Variants in TPD52 observed in about 807,000 individuals in gnomAD.
The protein encoded by TPD52 is prostate and colon associated protein.
In TPD52, 17 loss-of-function variants were observed where a neutral mutation model predicts 31.3. That is an observed-to-expected ratio of 0.54 (90% CI 0.37 to 0.82). The LOEUF (loss-of-function observed/expected upper bound fraction) is 0.82, where lower values mean the gene tolerates loss of function less well. Ranked by LOEUF, TPD52 falls within the 40% of genes least tolerant of loss-of-function variation. The pLI is 0.00. For synonymous variants in TPD52, 83 were observed against 89.6 expected (o/e 0.93, Z 0.42); for missense variants, 212 against 240.1 (o/e 0.88, Z 0.77).
intron 2 of TPD52, 26 bp from the exon 3 acceptor site, chr8:80,053,456 A>AATAT (rs762044862): frequency 6.2e-7 from 1 of 1,605,606 alleles, no homozygotes; most frequent in East Asian, 2.2e-5. Flanking sequence ...TTGGGGTAAG[A>AATAT]ATATAGCAAA....
At chr8:80,135,573 G>A (rs1257256442) in intron 1 of TPD52, among the ~76,000 whole-genome samples, 2 of 151,748 alleles carry the variant, frequency 1.3e-5, no homozygotes, top group Non-Finnish European at 2.9e-5. Flanking sequence ...AATCAGTGTG[G>A]CGATTCCTCA....
intron 1 of TPD52, among the ~76,000 whole-genome samples, chr8:80,168,916 TA>T (rs1413458259): frequency 6.6e-6 from 1 of 152,182 alleles, no homozygotes; most frequent in African/African-American, 2.4e-5. Flanking sequence ...TGTGCACTGG[TA>T]ACATAAAGAT....
At chr8:80,032,011 G>A (rs148203941), downstream of TPD52, among the ~76,000 whole-genome samples, 1 of 151,932 alleles carries the variant, frequency 6.6e-6, no homozygotes, top group Non-Finnish European at 1.5e-5. Flanking sequence ...AAATTAGCTG[G>A]GCGTGATGAC....
At chr8:80,071,020 A>AGAGAACACG (rs1045336385) in intron 1 of TPD52, among the ~76,000 whole-genome samples, 2 of 152,218 alleles carry the variant, frequency 1.3e-5, no homozygotes, top group Non-Finnish European at 2.9e-5. Context: ...AGCGCAAAGC[A>AGAGAACACG]CAGAGAACAC....
chr8:80,065,303 CTA>C (rs5892703), intron 1 of TPD52, among the ~76,000 whole-genome samples: 12 of 147,166 alleles, frequency 8.2e-5, no homozygotes, highest in East Asian at 7.9e-4. Flanking sequence ...ATCTATCTAT[CTA>C]TATATATATA....
chr8:80,134,792 G>A (rs1448335123), intron 1 of TPD52, among the ~76,000 whole-genome samples: 1 of 152,188 alleles, frequency 6.6e-6, no homozygotes. Context: ...CTGTCAACTT[G>A]ACCACAGTCT....
At chr8:80,108,759 A>G (rs1036228695) in intron 1 of TPD52, among the ~76,000 whole-genome samples, 5 of 152,264 alleles carry the variant, frequency 3.3e-5, no homozygotes, top group Non-Finnish European at 7.3e-5. Flanking sequence ...TGATGAAAAT[A>G]ATGTTTTTAT....
chr8:80,042,590 C>G (rs1366870738), intron 7 of TPD52, 30 bp downstream of exon 7: 2 of 1,588,204 alleles, frequency 1.3e-6, no homozygotes, highest in African/African-American at 1.4e-5. Flanking sequence ...GGCAATGTAT[C>G]AAAAAGACCC....
At chr8:80,031,478 A>G (rs1216973461), downstream of TPD52, among the ~76,000 whole-genome samples, 31 of 152,212 alleles carry the variant, frequency 2.0e-4, no homozygotes, top group Admixed American at 2.0e-3. Flanking sequence ...TGCCTAGAAC[A>G]TTATTTTCTA....
downstream of TPD52, among the ~76,000 whole-genome samples, chr8:80,031,879 G>A (rs547686576): frequency 1.3e-5 from 2 of 151,992 alleles, no homozygotes; most frequent in African/African-American, 2.4e-5. Flanking sequence ...CACCCCTGGC[G>A]TGGTGGCTCA....
intron 1 of TPD52, among the ~76,000 whole-genome samples, chr8:80,118,572 C>G (rs1001455967): frequency 6.6e-6 from 1 of 152,218 alleles, no homozygotes; most frequent in Middle Eastern, 3.4e-3. Flanking sequence ...AGAACTCTTG[C>G]CATTCAATAA....
chr8:80,107,039 T>G (rs1807181989), intron 1 of TPD52, among the ~76,000 whole-genome samples: 1 of 151,574 alleles, frequency 6.6e-6, no homozygotes, highest in Non-Finnish European at 1.5e-5. Context: ...TTTTAGTAGA[T>G]ACGGGGTTTC....
intron 1 of TPD52, among the ~76,000 whole-genome samples, chr8:80,130,811 A>C (rs1276562524): frequency 6.6e-6 from 1 of 152,160 alleles, no homozygotes; most frequent in African/African-American, 2.4e-5. Flanking sequence ...CTACAATATC[A>C]ACTAAAGGCT....
downstream of TPD52, chr8:80,032,784 G>A (rs1239261487): frequency 6.6e-6 from 1 of 152,264 alleles, no homozygotes; most frequent in African/African-American, 2.4e-5. Context: ...TGCAAACCAA[G>A]AAGAAAGGAT....
chr8:80,071,643 G>T (rs780022884), intron 1 of TPD52, among the ~76,000 whole-genome samples: 1 of 151,984 alleles, frequency 6.6e-6, no homozygotes, highest in African/African-American at 2.4e-5. Flanking sequence ...TCTCTGAGAC[G>T]TCATGGCTCC....
chr8:80,061,950 A>T (rs890409948), intron 2 of TPD52, among the ~76,000 whole-genome samples: 3 of 152,228 alleles, frequency 2.0e-5, no homozygotes, highest in African/African-American at 7.2e-5. Context: ...AAGACATTTC[A>T]TGTTCATGGA....
chr8:80,078,140 T>C (rs1431244216), intron 1 of TPD52, among the ~76,000 whole-genome samples: 1 of 152,236 alleles, frequency 6.6e-6, no homozygotes, highest in East Asian at 1.9e-4. Context: ...CTTCATTTTG[T>C]TTCAGCCACT....
intron 1 of TPD52, among the ~76,000 whole-genome samples, chr8:80,147,886 T>C: frequency 6.6e-6 from 1 of 151,988 alleles, no homozygotes; most frequent in East Asian, 1.9e-4. Context: ...TATTTCCTAC[T>C]AACTTCATAA....
Position 80,040,186 on chromosome 8 carries a change from T to C in TPD52, c.505-1951A>G, listed in dbSNP as rs1284014524. Among the ~76,000 whole-genome samples, 19 of 82,048 alleles carry C rather than the reference T, an allele frequency of 2.3e-4. No individual in the cohort carries two copies. The East Asian group carries it at 4.4e-3, about 19-fold the overall frequency. The allele number at this position is 82,048 out of a possible 152,430, so 53.8% of individuals were successfully genotyped here. On this transcript the variant is annotated intron_variant, in intron 7 of 7. Coordinates refer to ENST00000518937, the MANE Select transcript of TPD52 (RefSeq NM_001025253.3). The stretch of plus-strand genomic sequence containing the variant: ...GGGGTATCTGTTTAATACGCTATCC[T>C]TTTTTTTTTTTTTTTTTTTTTTTTT...
Sources: allele counts gnomAD v4.1 joint callset (sites outside exome capture counted in the v4.1 genomes callset), GRCh38; gene constraint gnomAD v4.1.1; transcripts MANE v1.5; gene names NCBI Gene and HGNC (gene_info 2026-07-23, HGNC 2026-07-21).